FAM221A: variants seen among roughly 807,000 people sequenced by gnomAD.
FAM221A encodes family with sequence similarity 221 member A.
A neutral mutation model predicts 37.6 loss-of-function variants in FAM221A; 43 were observed. The ratio of observed to expected loss-of-function variants is 1.15; its 90% CI spans 0.90 to 1.48. The LOEUF (loss-of-function observed/expected upper bound fraction) is 1.48, where lower values mean the gene tolerates loss of function less well. Ranked by LOEUF, FAM221A falls within the 40% of genes most tolerant of loss-of-function variation. FAM221A has a pLI of 0.00. For synonymous variants in FAM221A, 135 were observed against 132.9 expected (o/e 1.02, Z -0.11); for missense variants, 361 against 361.5 (o/e 1.00, Z 0.01).
At chr7:23,696,393 A>G (rs777126408) in intron 4 of FAM221A, among the ~76,000 whole-genome samples, 4 of 152,168 alleles carry the variant, frequency 2.6e-5, no homozygotes, top group Non-Finnish European at 5.9e-5. Context: ...CCCTGTCTCT[A>G]CAAAAATACA....
chr7:23,691,610 T>TATG lies in FAM221A; in HGVS notation c.637+16_637+18dup. ...ACAGTGGGATTGGTAAGTGATACTATATGAAATGTGAGCCCATTGTATTGT... is the reference window on the plus strand; with the variant it reads ...ACAGTGGGATTGGTAAGTGATACTATATGATGAAATGTGAGCCCATTGTATTGT... On this transcript the variant is annotated intron_variant, in intron 4 of 6. Coordinates refer to ENST00000344962, the MANE Select transcript of FAM221A (RefSeq NM_199136.5). 1 of 1,608,726 alleles carries TATG rather than the reference T, an allele frequency of 6.2e-7. No homozygotes were observed. The highest frequency in any genetic ancestry group is 1.1e-5 in the South Asian group (1 of 90,934).
At chr7:23,690,200 T>TATATATATA (rs1491098232) in intron 3 of FAM221A, among the ~76,000 whole-genome samples, 281 of 18,516 alleles carry the variant, frequency 0.015, no homozygotes, top group East Asian at 0.047. Flanking sequence ...TATATATATA[T>TATATATATA]TTTTTTTTTT....
chr7:23,699,723 G>A (rs1245785461), intron 5 of FAM221A, among the ~76,000 whole-genome samples: 2 of 151,462 alleles, frequency 1.3e-5, no homozygotes, highest in Non-Finnish European at 2.9e-5. Context: ...TGAATTTTTT[G>A]TAGAGACAGG....
chr7:23,701,485 C>T (rs2128052922), intron 6 of FAM221A, among the ~76,000 whole-genome samples: 1 of 152,134 alleles, frequency 6.6e-6, no homozygotes, highest in East Asian at 1.9e-4. Context: ...GTGATCCACC[C>T]GCCTCGGCCT....
chr7:23,685,917 G>A (rs957566972), intron 2 of FAM221A, among the ~76,000 whole-genome samples: 1 of 152,082 alleles, frequency 6.6e-6, no homozygotes, highest in East Asian at 1.9e-4. Context: ...TTTAACTTTC[G>A]GTTCCAAGAG....
At chr7:23,683,839 G>T (rs1300796094) in intron 1 of FAM221A, among the ~76,000 whole-genome samples, 1 of 152,144 alleles carries the variant, frequency 6.6e-6, no homozygotes, top group Non-Finnish European at 1.5e-5. Context: ...GATTATTTCT[G>T]TAACTGGTTA....
At chr7:23,692,346 T>C (rs922419100) in intron 4 of FAM221A, 4 of 241,072 alleles carry the variant, frequency 1.7e-5, no homozygotes, top group Non-Finnish European at 2.6e-5. Flanking sequence ...TTTTCTTTTC[T>C]TTTTTTTTTT....
At chr7:23,696,159 A>G (rs549334326) in intron 4 of FAM221A, among the ~76,000 whole-genome samples, 24 of 152,380 alleles carry the variant, frequency 1.6e-4, no homozygotes, top group South Asian at 6.2e-4. Flanking sequence ...AAACTTGTTC[A>G]TCATGCTACT....
At chr7:23,690,199 A>ATATATATATATATATATATTTT (rs774313037) in intron 3 of FAM221A, among the ~76,000 whole-genome samples, 1 of 48,732 alleles carries the variant, frequency 2.1e-5, no homozygotes, top group Non-Finnish European at 3.6e-5. Context: ...ATATATATAT[A>ATATATATATATATATATATTTT]TTTTTTTTTT....
rs138938244 is a variant in FAM221A, at chr7:23,689,397, G to T, written c.368G>T (p.Arg123Leu). The T allele has an allele frequency of 6.2e-7, 1 of 1,606,836 alleles. No homozygotes were observed. The highest frequency in any genetic ancestry group is 1.1e-5 in the South Asian group (1 of 90,614). ...CCCTTGAATGGTAGCCAGCCCATTC[G>T]CTGCAGGTGCAAACACTTTGCTGAT... ...YVPLNGSQPI[R>L]CRCKHFADQH... The change falls in exon 3 of 7, where the codon CGC (arginine) becomes CTC (leucine). Residue 123 changes from arginine (R) to leucine (L), a missense_variant. Physicochemically the swap from Arg to Leu is moderately radical, Grantham distance 102. Coordinates refer to ENST00000344962, the MANE Select transcript of FAM221A (RefSeq NM_199136.5).
At chr7:23,682,446 T>A (rs898919773) in intron 1 of FAM221A, among the ~76,000 whole-genome samples, 7 of 146,778 alleles carry the variant, frequency 4.8e-5, no homozygotes, top group African/African-American at 1.2e-4. Context: ...ATTATTTTTT[T>A]TTTTAGATAG....
At chr7:23,691,724 T>A (rs1784765116) in intron 4 of FAM221A, 128 bp downstream of exon 4, 13 of 849,806 alleles carry the variant, frequency 1.5e-5, no homozygotes, top group Non-Finnish European at 2.0e-5. Context: ...CGTTTGATTT[T>A]TATTTTTTAA....
At chr7:23,699,468 A>C (rs1394337847) in intron 5 of FAM221A, among the ~76,000 whole-genome samples, 1 of 149,596 alleles carries the variant, frequency 6.7e-6, no homozygotes, top group Non-Finnish European at 1.5e-5. Context: ...GTGATTAGTG[A>C]CCAAGGTAAA....
In FAM221A at chr7:23,702,138, T is replaced by G; in HGVS notation, c.871T>G (p.Leu291Val). 1 of 1,601,538 alleles carries G rather than the reference T, an allele frequency of 6.2e-7. No individual in the cohort carries two copies. The highest frequency in any genetic ancestry group is 8.5e-7 in the Non-Finnish European group (1 of 1,173,816). ...TGCTAAGTGGAAAGGAAAAGCTCCA[T>G]TGCCATCAGCTACAAAACCTTCATG... ...KAAKWKGKAPLPSATKPS is the reference protein window; with the variant it reads ...KAAKWKGKAPVPSATKPS The change falls in exon 7 of 7, where the codon TTG (leucine) becomes GTG (valine). Residue 291 changes from leucine (L) to valine (V), a missense_variant. Transcript: ENST00000344962.
intron 6 of FAM221A, 68 bp downstream of exon 6, chr7:23,700,936 C>T: frequency 2.0e-6 from 2 of 1,008,956 alleles, no homozygotes; most frequent in South Asian, 1.5e-5. Context: ...AATGATTATA[C>T]ATTGAATGTG....
At chr7:23,685,677 A>G (rs1784329716) in intron 2 of FAM221A, among the ~76,000 whole-genome samples, 1 of 152,246 alleles carries the variant, frequency 6.6e-6, no homozygotes. Flanking sequence ...AAACAAGCAC[A>G]CTGCTTTGCA....
chr7:23,701,232 A>T (rs1203679631), intron 6 of FAM221A, among the ~76,000 whole-genome samples: 2 of 141,078 alleles, frequency 1.4e-5, no homozygotes, highest in Non-Finnish European at 3.0e-5. Context: ...ATATATTTTG[A>T]ATTCTCTTTT....
At chr7:23,695,791 T>A (rs2128047241) in intron 4 of FAM221A, among the ~76,000 whole-genome samples, 1 of 152,340 alleles carries the variant, frequency 6.6e-6, no homozygotes, top group Non-Finnish European at 1.5e-5. Flanking sequence ...CCATTCTTAT[T>A]ACTTAGAGTT....
chr7:23,680,606 C>T, intron 1 of FAM221A: 1 of 334,230 alleles, frequency 3.0e-6, no homozygotes, highest in Non-Finnish European at 5.5e-6. Flanking sequence ...ACATCGAGTA[C>T]TCGGGGCTAT....
Sources: allele counts gnomAD v4.1 joint callset (sites outside exome capture counted in the v4.1 genomes callset), GRCh38; gene constraint gnomAD v4.1.1; transcripts MANE v1.5; gene names NCBI Gene and HGNC (gene_info 2026-07-23, HGNC 2026-07-21).